The following FER1L6 variants were observed in gnomAD, a reference collection of about 807,000 sequenced individuals.
FER1L6 encodes fer-1 like family member 6.
A neutral mutation model predicts 219.2 loss-of-function variants in FER1L6; 177 were observed. The observed-to-expected ratio is 0.81, with a 90% CI of 0.71 to 0.91. The LOEUF is 0.91. Ranked by LOEUF, FER1L6 falls within the 40% of genes least tolerant of loss-of-function variation. FER1L6 has a pLI of 0.00. For synonymous variants in FER1L6, 768 were observed against 824.3 expected (o/e 0.93, Z 1.17); for missense variants, 2,153 against 2,259.9 (o/e 0.95, Z 0.96).
intron 6 of FER1L6, among the ~76,000 whole-genome samples, chr8:123,972,742 C>G (rs1321158302): frequency 1.3e-5 from 2 of 152,206 alleles, no homozygotes; most frequent in African/African-American, 4.8e-5. Context: ...GTTGCCATTG[C>G]CCTTTCTCCA....
At chr8:123,890,720 A>G (rs1812631201) in intron 1 of FER1L6, among the ~76,000 whole-genome samples, 1 of 150,550 alleles carries the variant, frequency 6.6e-6, no homozygotes, top group South Asian at 2.1e-4. Flanking sequence ...ACAAAAACCA[A>G]CAACAAGAAA....
At chr8:124,057,371 C>A (rs1333539336) in intron 22 of FER1L6, among the ~76,000 whole-genome samples, 3 of 151,936 alleles carry the variant, frequency 2.0e-5, no homozygotes, top group Non-Finnish European at 2.9e-5. Flanking sequence ...ATTTTTTTCC[C>A]TCATCTGATT....
chr8:124,020,335 C>G (rs553433196), intron 16 of FER1L6, among the ~76,000 whole-genome samples: 1 of 152,270 alleles, frequency 6.6e-6, no homozygotes, highest in East Asian at 1.9e-4. Flanking sequence ...GACTAATACA[C>G]CGGCTTTAGG....
At chr8:123,977,798 C>A (rs972999393) in intron 10 of FER1L6, among the ~76,000 whole-genome samples, 189 bp downstream of exon 10, 16 of 152,274 alleles carry the variant, frequency 1.1e-4, no homozygotes, top group African/African-American at 3.6e-4. Flanking sequence ...CACTTCAGAT[C>A]ATCGGGCATT....
At position 123,970,030 on chromosome 8, in the gene FER1L6, T is replaced by G; in HGVS notation, c.385-5T>G. 6.2e-7 allele frequency: 1 copy of G among 1,613,934 alleles called. No individual in the cohort carries two copies. The highest frequency in any genetic ancestry group is 1.1e-5 in the South Asian group (1 of 91,072). The stretch of plus-strand genomic sequence containing the variant: ...GATGACCAGAATGAACTTTTTGTTT[T>G]GCAGTACTTTGTCTTCGACTTCATT... On this transcript the variant is annotated splice_region_variant and splice_polypyrimidine_tract_variant and intron_variant, in intron 5 of 40. Transcript: ENST00000522917.
At chr8:123,934,824 T>C (rs1334577352) in intron 1 of FER1L6, among the ~76,000 whole-genome samples, 1 of 152,200 alleles carries the variant, frequency 6.6e-6, no homozygotes, top group Non-Finnish European at 1.5e-5. Flanking sequence ...CTTGATGTTC[T>C]ATGATATTGA....
intron 33 of FER1L6, among the ~76,000 whole-genome samples, chr8:124,083,017 CATATGGGGTATATGACATGTATACATAT>C (rs1339876489): frequency 3.9e-5 from 4 of 101,422 alleles, no homozygotes; most frequent in Non-Finnish European, 6.2e-5. Flanking sequence ...TATACACACA[CATATGGGGTATATGACATGTATACATAT>C]ATATGGGGTA....
chr8:123,932,623 G>T (rs901823208), intron 1 of FER1L6, among the ~76,000 whole-genome samples: 3 of 152,170 alleles, frequency 2.0e-5, no homozygotes, highest in Non-Finnish European at 4.4e-5. Flanking sequence ...TGGCGTAATG[G>T]TGGGGGGAGG....
rs138852405 is a variant in FER1L6, at chr8:123,971,563, C to A, written c.447+1466C>A. 8.5e-5 allele frequency among the ~76,000 whole-genome samples: 13 copies of A among 152,314 alleles called. No homozygotes were observed. The East Asian group carries it at 2.5e-3, about 29-fold the overall frequency. On this transcript the variant is annotated intron_variant, in intron 6 of 40. Coordinates refer to ENST00000522917, the MANE Select transcript of FER1L6 (RefSeq NM_001039112.2). ...AGACAGAGGATCAAAGCTACCATTG[C>A]CTATCTCTGTTTCTCTAACTTCGAA...
chr8:123,960,536 A>G (rs1273659876), intron 2 of FER1L6, among the ~76,000 whole-genome samples: 1 of 152,296 alleles, frequency 6.6e-6, no homozygotes, highest in South Asian at 2.1e-4. Context: ...GTCACAAACT[A>G]CCACTAACTC....
chr8:124,069,549 G>A, intron 29 of FER1L6, 74 bp downstream of exon 29: 4 of 977,394 alleles, frequency 4.1e-6, no homozygotes, highest in African/African-American at 1.7e-5. Flanking sequence ...CAGTGCTTTG[G>A]TCAACCCTAG....
chr8:123,995,602 C>A (rs1586567540), intron 12 of FER1L6, among the ~76,000 whole-genome samples: 1 of 151,714 alleles, frequency 6.6e-6, no homozygotes. Flanking sequence ...TTTATCTTTT[C>A]AAAAAACCAA....
At chr8:124,052,025 T>C (rs1820060510) in intron 22 of FER1L6, among the ~76,000 whole-genome samples, 2 of 152,158 alleles carry the variant, frequency 1.3e-5, no homozygotes, top group Admixed American at 6.5e-5. Context: ...GACTGCAGCC[T>C]AGGAGGGTAG....
chr8:124,107,618 C>A (rs537749656), intron 39 of FER1L6, among the ~76,000 whole-genome samples: 8 of 152,262 alleles, frequency 5.3e-5, no homozygotes, highest in Admixed American at 4.6e-4. Context: ...CCTTGCCTTG[C>A]CAGAGCCTAG....
At chr8:123,996,505 GTC>G (rs1351496779) in intron 12 of FER1L6, among the ~76,000 whole-genome samples, 1 of 151,800 alleles carries the variant, frequency 6.6e-6, no homozygotes, top group Admixed American at 6.6e-5. Flanking sequence ...ATTTTTCTCA[GTC>G]TCTATGTGTA....
intron 1 of FER1L6, among the ~76,000 whole-genome samples, chr8:123,953,584 G>A (rs180984726): frequency 1.3e-3 from 199 of 152,316 alleles, no homozygotes; most frequent in African/African-American, 4.5e-3. Context: ...TGCATCAGGC[G>A]CTGGCTTCCC....
intron 12 of FER1L6, among the ~76,000 whole-genome samples, chr8:123,994,266 G>A (rs1817015827): frequency 6.6e-6 from 1 of 152,120 alleles, no homozygotes; most frequent in African/African-American, 2.4e-5. Flanking sequence ...AGTGTGGGTG[G>A]AGGCTCAAAG....
In FER1L6 at chr8:124,021,652, C is replaced by A; in HGVS notation, c.2116C>A (p.Arg706Ser). 5 of 1,614,022 alleles carry A rather than the reference C, an allele frequency of 3.1e-6. No individual in the cohort carries two copies. The highest frequency in any genetic ancestry group is 4.2e-6 in the Non-Finnish European group (5 of 1,179,956). Residue 706 changes from arginine (R) to serine (S), a missense_variant, in exon 17 of 41, where the codon CGC becomes AGC. Physicochemically the swap from Arg to Ser is moderately radical, Grantham distance 110. Transcript: ENST00000522917. ...HEAQNFVEKI[R>S]FLVDEPQHTI... ...AGCCCAAAACTTTGTGGAAAAAATC[C>A]GCTTTCTTGTTGATGAGGTAACTGA... is the stretch of plus-strand genomic sequence containing the variant.
chr8:123,980,502 G>A lies in FER1L6; in HGVS notation c.1101G>A (p.Leu367=). The change falls in exon 11 of 41, where the codon CTG becomes CTA. Residue 367 remains leucine, a synonymous_variant. Transcript: ENST00000522917. The part of the protein sequence containing the change: ...LPTFGPAWIN[L]YGSPRNHSLM... ...CCTTTGGGCCTGCCTGGATTAACCT[G>A]TATGGCTCGCCCAGGAACCACAGTC... 1 of 1,614,110 alleles carries A rather than the reference G, an allele frequency of 6.2e-7. No individual in the cohort carries two copies. The highest frequency in any genetic ancestry group is 8.5e-7 in the Non-Finnish European group (1 of 1,179,990).
Sources: allele counts gnomAD v4.1 joint callset (sites outside exome capture counted in the v4.1 genomes callset), GRCh38; gene constraint gnomAD v4.1.1; transcripts MANE v1.5; gene names NCBI Gene and HGNC (gene_info 2026-07-23, HGNC 2026-07-21).